The following FADS2 variants were observed in gnomAD, a reference collection of about 807,000 sequenced individuals.
FADS2 encodes fatty acid desaturase 2, also known as acyl-CoA 6-desaturase.
A neutral mutation model predicts 61.2 loss-of-function variants in FADS2; 18 were observed. That is an observed-to-expected ratio of 0.29 (90% CI 0.20 to 0.44). The LOEUF (loss-of-function observed/expected upper bound fraction) is 0.44, where lower values mean the gene tolerates loss of function less well. Ranked by LOEUF, FADS2 falls within the 20% of genes least tolerant of loss-of-function variation. The pLI, the probability that FADS2 is intolerant of heterozygous loss-of-function variation, is 1.00. For missense variants in FADS2, 322 were observed against 572.7 expected, an observed-to-expected ratio of 0.56 and a Z score of 4.47; for synonymous variants, 203 against 223.9, an observed-to-expected ratio of 0.91 and a Z score of 0.83.
chr11:61,824,485 AGAG>A (rs1565325375), upstream of FADS2, among the ~76,000 whole-genome samples: 206 of 9,340 alleles, frequency 0.022, 26 homozygotes, highest in Middle Eastern at 0.17. Flanking sequence ...AGAGAGAGAG[AGAG>A]AGAAAGAAAG....
At chr11:61,850,078 A>C (rs1381767246) in intron 5 of FADS2, among the ~76,000 whole-genome samples, 1 of 152,092 alleles carries the variant, frequency 6.6e-6, no homozygotes, top group Admixed American at 6.6e-5. Flanking sequence ...TGTATCCTGC[A>C]ACTTGCCACC....
At chr11:61,817,316 G>A (rs1329135869) in intron 1 of FADS2, 1 of 207,782 alleles carries the variant, frequency 4.8e-6, no homozygotes. Context: ...ACCCTCCAGG[G>A]TTGGAAACTA....
chr11:61,824,489 AG>A (rs1565325406), upstream of FADS2, among the ~76,000 whole-genome samples: 19 of 7,762 alleles, frequency 2.4e-3, 2 homozygotes, highest in African/African-American at 3.0e-3. Context: ...AGAGAGAGAG[AG>A]AAAGAAAGAA....
At chr11:61,830,196 G>C (rs2067117380) in intron 1 of FADS2, among the ~76,000 whole-genome samples, 1 of 152,166 alleles carries the variant, frequency 6.6e-6, no homozygotes. Flanking sequence ...TGCTGGACTT[G>C]GGCTGGTCTG....
At position 61,865,975 on chromosome 11, in the gene FADS2, G is replaced by A. The variant is rs1449087027; in HGVS notation, c.*286G>A. 5 of 507,852 alleles carry A rather than the reference G, an allele frequency of 9.8e-6. No individual in the cohort carries two copies. Among genetic ancestry groups the A allele is most frequent in the East Asian group, 2.9e-5 (1 of 34,092 alleles). The allele number at this position is 507,852 out of a possible 1,614,324, so 31.5% of individuals were successfully genotyped here. A position where few individuals can be genotyped will look rare whatever the true frequency, so the allele number is the denominator to read the frequency against. On this transcript the variant is annotated 3_prime_UTR_variant, in exon 12 of 12. Transcript: ENST00000278840. The surrounding 1 kb of genome is among the most constrained non-coding windows in gnomAD (Gnocchi z 4.1). Reference sequence around the variant, plus strand: ...AGGAGCAGAGAGGTGGCCACCGGGGGTGGCTCTGTCCTACCTCCACTCTCT... The same window carrying A: ...AGGAGCAGAGAGGTGGCCACCGGGGATGGCTCTGTCCTACCTCCACTCTCT...
chr11:61,837,840 G>A lies in FADS2; in HGVS notation c.270G>A (p.Leu90=). 2 of 1,613,970 alleles carry A rather than the reference G, an allele frequency of 1.2e-6. No homozygotes were observed. Among genetic ancestry groups the A allele is most frequent in the Non-Finnish European group, 1.7e-6 (2 of 1,179,934 alleles). ...TGGGCAAGTTCTTGAAACCCCTGCTGATTGGTGAACTGGCCCCGGAGGAGC... is the reference window on the plus strand; with the variant it reads ...TGGGCAAGTTCTTGAAACCCCTGCTAATTGGTGAACTGGCCCCGGAGGAGC... ...EFVGKFLKPL[L]IGELAPEEPS... The change falls in exon 2 of 12, where the codon CTG becomes CTA. Residue 90 remains leucine (L), a synonymous_variant. Transcript: ENST00000278840.
At chr11:61,831,101 G>GT (rs1176739688) in intron 1 of FADS2, among the ~76,000 whole-genome samples, 1 of 151,908 alleles carries the variant, frequency 6.6e-6, no homozygotes, top group South Asian at 2.1e-4. Flanking sequence ...GTTTTGTTTT[G>GT]TTTTTTTAAA....
At chr11:61,839,225 C>A (rs916168428) in intron 2 of FADS2, among the ~76,000 whole-genome samples, 1 of 152,134 alleles carries the variant, frequency 6.6e-6, no homozygotes, top group Non-Finnish European at 1.5e-5. Flanking sequence ...GTTTGTGTCG[C>A]CCCCAACTCA....
At chr11:61,838,597 C>A (rs1213784811) in intron 2 of FADS2, among the ~76,000 whole-genome samples, 1 of 152,026 alleles carries the variant, frequency 6.6e-6, no homozygotes, top group Non-Finnish European at 1.5e-5. Flanking sequence ...TTTAGCAGAG[C>A]CAGGGCAGGA....
At chr11:61,847,553 G>A (rs2067270814) in intron 4 of FADS2, 1 of 153,422 alleles carries the variant, frequency 6.5e-6, no homozygotes, top group Non-Finnish European at 1.5e-5. Context: ...AAGGGTCAGT[G>A]ATTCGTTCTG....
intron 1 of FADS2, among the ~76,000 whole-genome samples, chr11:61,836,988 G>A (rs554805007): frequency 7.2e-5 from 11 of 152,300 alleles, no homozygotes; most frequent in African/African-American, 2.6e-4. Flanking sequence ...AAAAAAGCTG[G>A]AAGGAAAAAT....
intron 2 of FADS2, 46 bp downstream of exon 2, chr11:61,837,934 G>A: frequency 7.1e-7 from 1 of 1,399,906 alleles, no homozygotes. Context: ...CGAGGCTGGG[G>A]GTGGCTGGGA....
In FADS2 at chr11:61,848,281, C is replaced by T. The variant is rs1177782423; in HGVS notation, c.741C>T (p.Ile247=). The stretch of plus-strand genomic sequence containing the variant: ...TTGTTCTGGGCGAATGGCAGCCCAT[C>T]GAGGTACGACTAAGAGGATGGTGTT... ...HVFVLGEWQP[I]EYGKKKLKYL... The change falls in exon 5 of 12, where the codon ATC becomes ATT. Residue 247 remains isoleucine, a synonymous_variant. Transcript: ENST00000278840. 8.1e-6 allele frequency: 13 copies of T among 1,614,000 alleles called. No homozygotes were observed. In the Admixed American group the frequency reaches 1.7e-4, roughly 21 times the overall value.
intron 5 of FADS2, among the ~76,000 whole-genome samples, chr11:61,851,569 A>G (rs1250611652): frequency 6.6e-6 from 1 of 152,246 alleles, no homozygotes; most frequent in Non-Finnish European, 1.5e-5. Context: ...CCGCCCTGGA[A>G]GGAACCCTGG....
chr11:61,818,132 T>C (rs1051423439), intron 1 of FADS2, among the ~76,000 whole-genome samples: 4 of 152,184 alleles, frequency 2.6e-5, no homozygotes, highest in African/African-American at 9.7e-5. Flanking sequence ...TCTGAGCACG[T>C]AGGAGTCAGG....
At chr11:61,838,519 T>C (rs1041945584) in intron 2 of FADS2, among the ~76,000 whole-genome samples, 1 of 151,982 alleles carries the variant, frequency 6.6e-6, no homozygotes. Flanking sequence ...AGGGTGGTCA[T>C]GGAAGTCCCA....
upstream of FADS2, among the ~76,000 whole-genome samples, chr11:61,824,386 G>A (rs1242598512): frequency 6.1e-5 from 7 of 115,454 alleles, no homozygotes; most frequent in East Asian, 1.5e-3. Context: ...CATCTTGGGG[G>A]AAAAAAAAAG....
At chr11:61,821,557 TAGG>T (rs1396433636) in intron 1 of FADS2, 10 of 634,564 alleles carry the variant, frequency 1.6e-5, no homozygotes, top group African/African-American at 5.5e-5. Context: ...TCAACACATA[TAGG>T]AGAAGCAATA....
At chr11:61,863,253 C>G (rs374800064) in intron 8 of FADS2, 29 bp from the exon 9 acceptor site, 1 of 1,575,378 alleles carries the variant, frequency 6.3e-7, no homozygotes, top group Non-Finnish European at 8.7e-7. Context: ...CCCCCGGAGG[C>G]CCCTGCGCTG....
Sources: gnomAD v4.1 joint callset for allele counts (sites outside exome capture counted in the v4.1 genomes callset) on GRCh38, gnomAD v4.1.1 for gene constraint, Gnocchi (gnomAD v3.1) non-coding constraint, MANE v1.5 for transcripts, NCBI Gene and HGNC (gene_info 2026-07-23, HGNC 2026-07-21) for gene names.